Variants in VPS13D observed in about 807,000 individuals in gnomAD.
VPS13D encodes intermembrane lipid transfer protein VPS13D.
Under a neutral mutation model 461.9 loss-of-function variants are expected in VPS13D, and 187 were observed. The ratio of observed to expected loss-of-function variants is 0.40; its 90% CI spans 0.36 to 0.46. VPS13D has a LOEUF of 0.46. Ranked by LOEUF, VPS13D falls within the 20% of genes least tolerant of loss-of-function variation. The pLI is 0.60. For missense variants in VPS13D, 4,711 were observed against 5,364.9 expected (o/e 0.88, Z 3.81); for synonymous variants, 1,951 against 1,986.3 (o/e 0.98, Z 0.47).
At chr1:12,251,738 A>G (rs1361769409) in intron 6 of VPS13D, among the ~76,000 whole-genome samples, 3 of 152,174 alleles carry the variant, frequency 2.0e-5, no homozygotes, top group African/African-American at 7.2e-5. Flanking sequence ...TGATTGTGGT[A>G]TCTGCCTGCA....
chr1:12,423,398 A>T (rs1382459504), intron 65 of VPS13D, among the ~76,000 whole-genome samples: 1 of 152,184 alleles, frequency 6.6e-6, no homozygotes, highest in Non-Finnish European at 1.5e-5. Context: ...AAACCAAAAA[A>T]ATAAAATAAA....
Position 12,279,602 on chromosome 1 carries a change from A to T in VPS13D, c.4554A>T (p.Gly1518=). The T allele has an allele frequency of 6.2e-7, 1 of 1,613,266 alleles. No individual in the cohort carries two copies. ...TTTCTCTTAGCCCAGATGACCTGGG[A>T]ACTTCTAGCATCATGAAGATTGAAG... ...LTFSLSPDDL[G]TSSIMKIEGK... is the part of the protein sequence containing the mutation. The change falls in exon 20 of 70, where the codon GGA becomes GGT. Residue 1518 remains glycine, a synonymous_variant. Transcript: ENST00000620676. The surrounding 1 kb of genome is among the most constrained non-coding windows in gnomAD (Gnocchi z 4.3).
At chr1:12,363,278 A>T in intron 52 of VPS13D, 31 bp downstream of exon 52, 1 of 1,607,598 alleles carries the variant, frequency 6.2e-7, no homozygotes. Flanking sequence ...ATAGACAAAA[A>T]GGTAGCCCCT....
intron 35 of VPS13D, 121 bp downstream of exon 35, chr1:12,323,901 T>C: frequency 1.0e-6 from 1 of 971,720 alleles, no homozygotes; most frequent in Non-Finnish European, 1.6e-6. Flanking sequence ...ACGCTTTATG[T>C]GTCTTCTCTG....
At position 12,294,738 on chromosome 1, in the gene VPS13D, G is replaced by A. The variant is rs565871827; in HGVS notation, c.6033+1034G>A. On this transcript the variant is annotated intron_variant, in intron 24 of 69. Transcript: ENST00000620676. Reference sequence around the variant, plus strand: ...AAGGCAGGAGAATCGCTTGAACCTGGGAGGCGGAGGTTGGAGTGAGCCGAG... The same window carrying A: ...AAGGCAGGAGAATCGCTTGAACCTGAGAGGCGGAGGTTGGAGTGAGCCGAG... 2.0e-5 allele frequency among the ~76,000 whole-genome samples: 3 copies of A among 152,248 alleles called. No individual in the cohort carries two copies. In the South Asian group the frequency reaches 6.2e-4, roughly 32 times the overall value.
intron 2 of VPS13D, among the ~76,000 whole-genome samples, chr1:12,241,378 T>C (rs1215290290): frequency 6.6e-6 from 1 of 152,254 alleles, no homozygotes; most frequent in Non-Finnish European, 1.5e-5. Context: ...ATGGTTGTTG[T>C]CTGTACTCCG....
intron 68 of VPS13D, among the ~76,000 whole-genome samples, chr1:12,498,797 A>T (rs1033628418): frequency 2.6e-5 from 4 of 152,156 alleles, no homozygotes; most frequent in Admixed American, 2.6e-4. Flanking sequence ...GTGTCCCCAC[A>T]TTGCAGAGAG....
chr1:12,347,990 G>C (rs559959575), intron 44 of VPS13D, among the ~76,000 whole-genome samples: 27 of 152,158 alleles, frequency 1.8e-4, no homozygotes, highest in Admixed American at 1.8e-3. Context: ...TCTGAACCTT[G>C]GTGTCCTTTT....
intron 10 of VPS13D, among the ~76,000 whole-genome samples, chr1:12,259,189 G>A (rs957758100): frequency 5.3e-5 from 8 of 151,672 alleles, no homozygotes; most frequent in Admixed American, 5.3e-4. Flanking sequence ...CTACAGGCCC[G>A]CATCACAACT....
At position 12,363,002 on chromosome 1, in the gene VPS13D, T is replaced by C. The variant is rs1028068519; in HGVS notation, c.10273-70T>C. ...TCCTGTTAGAGGGTAAGGCTCAGAGTAGGTACTCAGTAACACTTATTGTCA... is the reference window on the plus strand; with the variant it reads ...TCCTGTTAGAGGGTAAGGCTCAGAGCAGGTACTCAGTAACACTTATTGTCA... On this transcript the variant is annotated intron_variant, in intron 51 of 69. Transcript: ENST00000620676. 3.8e-6 allele frequency: 6 copies of C among 1,591,050 alleles called. No homozygotes were observed. In the African/African-American group the frequency reaches 5.4e-5, roughly 14 times the overall value.
At chr1:12,278,170 A>G (rs1641671471) in intron 19 of VPS13D, 132 bp downstream of exon 19, 1 of 988,816 alleles carries the variant, frequency 1.0e-6, no homozygotes, top group East Asian at 2.7e-5. Flanking sequence ...TTAAGAAATC[A>G]AAGAGTTTTA....
intron 65 of VPS13D, among the ~76,000 whole-genome samples, chr1:12,451,778 C>T (rs1002325977): frequency 6.6e-6 from 1 of 152,222 alleles, no homozygotes; most frequent in Non-Finnish European, 1.5e-5. Context: ...CACACTATCC[C>T]TGAATCCTCA....
rs1400583799 is a variant in VPS13D at position 12,311,449 on chromosome 1, C to T, written c.6651-5C>T. On this transcript the variant is annotated splice_region_variant and splice_polypyrimidine_tract_variant and intron_variant, in intron 27 of 69. Transcript: ENST00000620676. ...TGTGTAAGTGATCTTTTTTCTTTTT[C>T]ATAGAGAAATAAGTCATACTGTGCC... 8.2e-6 allele frequency: 13 copies of T among 1,588,826 alleles called. No homozygotes were observed. The Admixed American group carries it at 1.1e-4, about 14-fold the overall frequency.
Position 12,283,660 on chromosome 1 carries a change from A to C in VPS13D, c.5558A>C (p.His1853Pro). ...AMRLPPEGIL[H>P]NVKLEPHASM... Reference sequence around the variant, plus strand: ...AGGCTGCCTCCTGAGGGCATTCTGCACAACGTGAAGTTGGAGCCACATGCC... The same window carrying C: ...AGGCTGCCTCCTGAGGGCATTCTGCCCAACGTGAAGTTGGAGCCACATGCC... The change falls in exon 21 of 70, where the codon CAC (histidine) becomes CCC (proline). Residue 1853 changes from histidine to proline, a missense_variant. His to Pro is a moderately conservative substitution (Grantham distance 77). This residue lies in a region of VPS13D where 4,411 missense variants were observed against 4,937.8 expected (regional missense o/e 0.89). Coordinates refer to ENST00000620676, the MANE Select transcript of VPS13D (RefSeq NM_015378.4). The C allele has an allele frequency of 6.2e-7, 1 of 1,614,208 alleles. No individual in the cohort carries two copies. The highest frequency in any genetic ancestry group is 8.5e-7 in the Non-Finnish European group (1 of 1,180,028).
intron 27 of VPS13D, among the ~76,000 whole-genome samples, chr1:12,309,467 C>T (rs905777098): frequency 6.6e-5 from 10 of 151,368 alleles, no homozygotes; most frequent in African/African-American, 2.4e-4. Context: ...CCTTGGCATG[C>T]CCGCCTTGGC....
At chr1:12,246,989 A>G (rs1049708245) in intron 5 of VPS13D, among the ~76,000 whole-genome samples, 1 of 152,080 alleles carries the variant, frequency 6.6e-6, no homozygotes, top group African/African-American at 2.4e-5. Flanking sequence ...TCTCAAATAG[A>G]TATCTTGGAG....
rs1297978975 is a variant in VPS13D, at chr1:12,361,403, A to ATTT, written c.10142-1309_10142-1307dup. Among the ~76,000 whole-genome samples the ATTT allele has an allele frequency of 1.5e-3, 195 of 134,002 alleles. 3 individuals are homozygous for ATTT. The East Asian group carries it at 0.022, about 15-fold the overall frequency. The allele number at this position is 134,002 out of a possible 152,430, so 87.9% of individuals were successfully genotyped here. The stretch of plus-strand genomic sequence containing the variant: ...TATTTATTTATTTATTTATTTATTT[A>ATTT]TTTTTTTTTTGAGACGGAGTCTCGC... On this transcript the variant is annotated intron_variant, in intron 50 of 69. Coordinates refer to ENST00000620676, the MANE Select transcript of VPS13D (RefSeq NM_015378.4).
intron 1 of VPS13D, among the ~76,000 whole-genome samples, chr1:12,231,403 G>C (rs1179385675): frequency 6.6e-6 from 1 of 152,228 alleles, no homozygotes; most frequent in African/African-American, 2.4e-5. Context: ...TACTGACCAG[G>C]TTGCCTCACA....
At chr1:12,352,668 T>C (rs558471736) in intron 46 of VPS13D, among the ~76,000 whole-genome samples, 3 of 152,016 alleles carry the variant, frequency 2.0e-5, no homozygotes, top group Non-Finnish European at 4.4e-5. Flanking sequence ...CAATTTCTTA[T>C]AAAAGTTAAG....
Sources: gnomAD v4.1 joint callset for allele counts (sites outside exome capture counted in the v4.1 genomes callset) on GRCh38, gnomAD v4.1.1 for gene constraint, gnomAD v4.1.1 regional missense constraint, Gnocchi (gnomAD v3.1) non-coding constraint, MANE v1.5 for transcripts, NCBI Gene and HGNC (gene_info 2026-07-23, HGNC 2026-07-21) for gene names.